Variants in LDLRAP1 observed in about 807,000 individuals in gnomAD.
LDLRAP1 encodes the protein low density lipoprotein receptor adaptor protein 1, also known as low density lipoprotein receptor adapter protein 1.
LDLRAP1 carries 30 observed loss-of-function variants against 37.8 expected under a neutral mutation model. That is an observed-to-expected ratio of 0.79 (90% CI 0.59 to 1.08). The LOEUF (loss-of-function observed/expected upper bound fraction) is 1.08, where lower values mean the gene tolerates loss of function less well. LDLRAP1 is among the 50% of genes least tolerant of loss of function. The pLI is 0.00. For missense variants in LDLRAP1, 375 were observed against 401.6 expected (o/e 0.93, Z 0.57); for synonymous variants, 156 against 169.8 (o/e 0.92, Z 0.63).
chr1:25,566,735 C>G, intron 8 of LDLRAP1, 113 bp from the exon 9 acceptor site: 24 of 1,325,482 alleles, frequency 1.8e-5, no homozygotes, highest in Non-Finnish European at 2.4e-5. Flanking sequence ...GCACCGGGGG[C>G]TTCCTTCTTG....
At chr1:25,587,335 G>A in the LDLRAP1 span, among the ~76,000 whole-genome samples, 1 of 152,050 alleles carries the variant, frequency 6.6e-6, no homozygotes, top group Middle Eastern at 3.4e-3. Context: ...TTTTTATTTT[G>A]TAGAGACAGG....
At chr1:25,563,601 G>T in intron 6 of LDLRAP1, 60 bp from the exon 7 acceptor site, 1 of 1,605,866 alleles carries the variant, frequency 6.2e-7, no homozygotes. Flanking sequence ...ACAGCCCAGG[G>T]AGGGGGCCAG....
At position 25,553,208 on chromosome 1, in the gene LDLRAP1, A is replaced by G. The variant is rs144686058; in HGVS notation, c.89-714A>G. ...ACTCATTGTATGTGGCCTTCATCTCATGACTTTGCCTCCCTGAGCCTCAGT... is the reference window on the plus strand; with the variant it reads ...ACTCATTGTATGTGGCCTTCATCTCGTGACTTTGCCTCCCTGAGCCTCAGT... On this transcript the variant is annotated intron_variant, in intron 1 of 8. Transcript: ENST00000374338. Among the ~76,000 whole-genome samples, 443 of 152,262 alleles carry G rather than the reference A, an allele frequency of 2.9e-3. 4 individuals are homozygous for G. Among genetic ancestry groups the G allele is most frequent in the African/African-American group, 0.01 (420 of 41,528 alleles).
Position 25,554,711 on chromosome 1 carries a change from G to T in LDLRAP1, c.232-149G>T, listed in dbSNP as rs2044157782. 1.4e-6 allele frequency: 1 copy of T among 697,900 alleles called. No individual in the cohort carries two copies. The highest frequency in any genetic ancestry group is 2.6e-6 in the Non-Finnish European group (1 of 383,382). The allele number at this position is 697,900 out of a possible 1,614,324, so 43.2% of individuals were successfully genotyped here. A position where few individuals can be genotyped will look rare whatever the true frequency, so the allele number is the denominator to read the frequency against. On this transcript the variant is annotated intron_variant, in intron 2 of 8. Transcript: ENST00000374338. This position sits in a 1 kb window ranked among gnomAD's most constrained non-coding sequence, Gnocchi z 5.4. ...GCTCCTGTTTCTATTGCAAGAAGGT[G>T]CTGGCTGAGTGGTCTTGCCCACACT...
chr1:25,551,430 G>A (rs2044069106), intron 1 of LDLRAP1, among the ~76,000 whole-genome samples: 1 of 152,206 alleles, frequency 6.6e-6, no homozygotes, highest in African/African-American at 2.4e-5. Flanking sequence ...TTGAGTCTCA[G>A]TTTCCTCTCT....
the LDLRAP1 span, among the ~76,000 whole-genome samples, chr1:25,583,013 A>G: frequency 6.6e-6 from 1 of 151,620 alleles, no homozygotes; most frequent in African/African-American, 2.4e-5. Context: ...CAGAGCTTAC[A>G]GTGAGCCGAG....
At chr1:25,588,356 G>C in the LDLRAP1 span, among the ~76,000 whole-genome samples, 2 of 152,196 alleles carry the variant, frequency 1.3e-5, no homozygotes, top group South Asian at 4.1e-4. Flanking sequence ...TCTCCTGCTC[G>C]TCCCTGGGCA....
intron 1 of LDLRAP1, among the ~76,000 whole-genome samples, chr1:25,545,431 G>A (rs1454651400): frequency 6.6e-6 from 1 of 152,148 alleles, no homozygotes; most frequent in Non-Finnish European, 1.5e-5. Context: ...TCTGCAACAT[G>A]GGGATAAAAA....
At chr1:25,572,618 C>T (rs536675368), downstream of LDLRAP1, among the ~76,000 whole-genome samples, 3 of 152,248 alleles carry the variant, frequency 2.0e-5, no homozygotes, top group African/African-American at 7.2e-5. Context: ...ACAGGACTTG[C>T]CCGGGACTCA....
rs139121286 is a variant in LDLRAP1 at position 25,544,591 on chromosome 1, TC to T, written c.88+812del. Among the ~76,000 whole-genome samples the T allele has an allele frequency of 4.0e-5, 6 of 151,716 alleles. No homozygotes were observed. Among genetic ancestry groups the T allele is most frequent in the Non-Finnish European group, 8.8e-5 (6 of 67,896 alleles). On this transcript the variant is annotated intron_variant, in intron 1 of 8. Coordinates refer to ENST00000374338, the MANE Select transcript of LDLRAP1 (RefSeq NM_015627.3). This position sits in a 1 kb window ranked among gnomAD's most constrained non-coding sequence, Gnocchi z 4.8. The stretch of plus-strand genomic sequence containing the variant: ...GGCGTCTGGGAGGCTGGGAGGGGCC[TC>T]CCCCCCTTTCTCTCCCCCAGTCTCT...
In LDLRAP1 at chr1:25,544,550, C is replaced by T. The variant is rs1043797181; in HGVS notation, c.88+764C>T. Among the ~76,000 whole-genome samples the T allele has an allele frequency of 5.9e-5, 9 of 152,328 alleles. No individual in the cohort carries two copies. The highest frequency in any genetic ancestry group is 2.1e-4 in the South Asian group (1 of 4,830). On this transcript the variant is annotated intron_variant, in intron 1 of 8. Coordinates refer to ENST00000374338, the MANE Select transcript of LDLRAP1 (RefSeq NM_015627.3). The surrounding 1 kb of genome is among the most constrained non-coding windows in gnomAD (Gnocchi z 4.8). ...GTGCCCAGGCAAACGACAGACTCGC[C>T]GCCACCTCTCCCTGGGGCGTCTGGG...
At chr1:25,565,233 A>G in intron 8 of LDLRAP1, 26 bp downstream of exon 8, 1 of 1,613,660 alleles carries the variant, frequency 6.2e-7, no homozygotes, top group Non-Finnish European at 8.5e-7. Context: ...TGTGCTGGGT[A>G]GGGGGCCTGG....
chr1:25,567,977 C>CTG lies in LDLRAP1; in HGVS notation c.*985_*986insTG, dbSNP rs10635955. ...TATGACCACTTTACAGATGAGGAAA[C>CTG]AGGCCTCAAGCGTGGAGGGGTAGAG... On this transcript the variant is annotated 3_prime_UTR_variant, in exon 9 of 9. Coordinates refer to ENST00000374338, the MANE Select transcript of LDLRAP1 (RefSeq NM_015627.3). The CTG allele has an allele frequency of 0.99, 151,664 of 152,712 alleles. 75,319 individuals are homozygous for CTG. Among genetic ancestry groups the CTG allele is most frequent in the East Asian group, 1 (5,178 of 5,178 alleles). The allele number at this position is 152,712 out of a possible 1,614,324, so 9.5% of individuals were successfully genotyped here.
the LDLRAP1 span, among the ~76,000 whole-genome samples, chr1:25,586,669 C>G: frequency 6.6e-6 from 1 of 152,006 alleles, no homozygotes; most frequent in Non-Finnish European, 1.5e-5. This position sits in a 1 kb window ranked among gnomAD's most constrained non-coding sequence, Gnocchi z 4.3. Context: ...GGGGTGGGGG[C>G]TCTGTTGAGG....
At chr1:25,560,774 C>A (rs2044324638) in intron 4 of LDLRAP1, among the ~76,000 whole-genome samples, 1 of 152,242 alleles carries the variant, frequency 6.6e-6, no homozygotes, top group African/African-American at 2.4e-5. Flanking sequence ...AAGGTAGCAT[C>A]CACTCAGGAT....
intron 6 of LDLRAP1, 126 bp from the exon 7 acceptor site, chr1:25,563,535 G>A (rs1167546963): frequency 1.5e-6 from 2 of 1,305,948 alleles, no homozygotes; most frequent in South Asian, 1.2e-5. Context: ...TGCCAGGGCC[G>A]GGCTCTGCTG....
the LDLRAP1 span, among the ~76,000 whole-genome samples, chr1:25,585,878 G>A: frequency 6.6e-6 from 1 of 152,240 alleles, no homozygotes; most frequent in African/African-American, 2.4e-5. Context: ...GCAGGCCTGG[G>A]TTTTAGTCCC....
At chr1:25,556,915 G>A (rs2044213607) in intron 3 of LDLRAP1, among the ~76,000 whole-genome samples, 1 of 152,146 alleles carries the variant, frequency 6.6e-6, no homozygotes, top group African/African-American at 2.4e-5. Flanking sequence ...GGAGGGAGAG[G>A]GGGAAGTGCC....
chr1:25,566,364 TG>T (rs2044478283), intron 8 of LDLRAP1, among the ~76,000 whole-genome samples: 1 of 152,380 alleles, frequency 6.6e-6, no homozygotes, highest in African/African-American at 2.4e-5. Context: ...TTCCATTGAC[TG>T]CCTAACATTC....
Sources: allele counts gnomAD v4.1 joint callset (sites outside exome capture counted in the v4.1 genomes callset), GRCh38; gene constraint gnomAD v4.1.1; non-coding constraint Gnocchi (gnomAD v3.1); transcripts MANE v1.5; gene names NCBI Gene and HGNC (gene_info 2026-07-23, HGNC 2026-07-21).